Variants in RNFT1 observed in about 807,000 individuals in gnomAD.
RNFT1 encodes the protein E3 ubiquitin-protein ligase RNFT1.
Under a neutral mutation model 53.2 loss-of-function variants are expected in RNFT1, and 35 were observed. The ratio of observed to expected loss-of-function variants is 0.66; its 90% CI spans 0.50 to 0.87. The LOEUF is 0.87. Ranked by LOEUF, RNFT1 falls within the 40% of genes least tolerant of loss-of-function variation. The pLI is 0.00. For missense variants in RNFT1, 421 were observed against 515.0 expected (o/e 0.82, Z 1.77); for synonymous variants, 141 against 172.8 (o/e 0.82, Z 1.44).
intron 8 of RNFT1, 79 bp from the exon 9 acceptor site, chr17:59,953,190 CTT>C (rs34068842): frequency 0.078 from 59,129 of 760,866 alleles, 4 homozygotes; most frequent in East Asian, 0.11. Flanking sequence ...GAAAGGGATT[CTT>C]TTTTTTTTTT....
intron 8 of RNFT1, 60 bp downstream of exon 8, chr17:59,953,984 GA>G: frequency 5.4e-6 from 5 of 932,206 alleles, no homozygotes; most frequent in Non-Finnish European, 7.9e-6. Flanking sequence ...ACATAAATTT[GA>G]CTTTTGCAAG....
At chr17:59,956,400 A>G in intron 7 of RNFT1, 88 bp downstream of exon 7, 1 of 798,362 alleles carries the variant, frequency 1.3e-6, no homozygotes, top group Middle Eastern at 2.3e-4. Context: ...TATTTATGAA[A>G]TCCATTCTTG....
At chr17:59,953,193 T>C in intron 8 of RNFT1, 82 bp from the exon 9 acceptor site, 2 of 810,544 alleles carry the variant, frequency 2.5e-6, no homozygotes, top group Non-Finnish European at 3.4e-6. Context: ...AGGGATTCTT[T>C]TTTTTTTTTT....
rs748211939 is a variant in RNFT1, at chr17:59,963,099, A to C, written c.242T>G (p.Ile81Ser). 1.1e-5 allele frequency: 17 copies of C among 1,614,042 alleles called. No individual in the cohort carries two copies. The highest frequency in any genetic ancestry group is 1.1e-5 in the Non-Finnish European group (13 of 1,180,048). ...TTCTTTAGGTATGGAGTTTATCTGG[A>C]TATGAACATCTCCAGAATGAGGGCA... ...GSCPHSGDVHIQINSIPKECA... is the reference protein window; with the variant it reads ...GSCPHSGDVHSQINSIPKECA... The change falls in exon 2 of 9, where the codon ATC becomes AGC. Residue 81 changes from isoleucine (I) to serine (S), a missense_variant. Physicochemically the swap from Ile to Ser is moderately radical, Grantham distance 142. Transcript: ENST00000305783.
rs764112502 is a variant in RNFT1 at position 59,958,435 on chromosome 17, A to G, written c.702T>C (p.Phe234=). 7.0e-6 allele frequency: 11 copies of G among 1,568,026 alleles called. No homozygotes were observed. Among genetic ancestry groups the G allele is most frequent in the African/African-American group, 2.8e-5 (2 of 72,022 alleles). ...TCAAATGGTCCAAAGTAGGATTTAA[A>G]AAAATTAAGCTACCAAAAGAAAAAC... ...HSQSLYYSLI[F]LNPTLDHLSF... is the part of the protein sequence containing the mutation. Residue 234 remains phenylalanine, a synonymous_variant, in exon 5 of 9, where the codon TTT becomes TTC. Transcript: ENST00000305783.
In RNFT1 at chr17:59,962,598, C is replaced by A. The variant is rs745362088; in HGVS notation, c.533G>T (p.Gly178Val). 1.2e-6 allele frequency: 2 copies of A among 1,600,742 alleles called. No homozygotes were observed. Among genetic ancestry groups the A allele is most frequent in the Admixed American group, 3.5e-5 (2 of 57,656 alleles). Residue 178 changes from glycine (G) to valine (V), a missense_variant, in exon 3 of 9, where the codon GGG becomes GTG. By Grantham distance (109) the Gly-to-Val change is moderately radical. Transcript: ENST00000305783. ...QHITGISLGI[G>V]LLTTFMYANK... ...TGCATACATAAAAGTTGTTAGCAGC[C>A]CAATTCCAAGAGAAATTCCTGTTAG...
chr17:59,956,404 A>C, intron 7 of RNFT1, 84 bp downstream of exon 7: 1 of 830,270 alleles, frequency 1.2e-6, no homozygotes, highest in Non-Finnish European at 2.0e-6. Context: ...TATGAAATCC[A>C]TTCTTGTAAA....
Position 59,963,082 on chromosome 17 carries a change from G to GT in RNFT1, c.258dup (p.Pro87ThrfsTer2). Reference sequence around the variant, plus strand: ...CTTGCATTTTCTGCACATTCTTTAGGTATGGAGTTTATCTGGATATGAACA... The same window carrying GT: ...CTTGCATTTTCTGCACATTCTTTAGGTTATGGAGTTTATCTGGATATGAACA... On this transcript the variant is annotated frameshift_variant, in exon 2 of 9. Transcript: ENST00000305783. LOFTEE classifies it high-confidence loss of function. 1.2e-6 allele frequency: 2 copies of GT among 1,614,130 alleles called. No individual in the cohort carries two copies. Among genetic ancestry groups the GT allele is most frequent in the Non-Finnish European group, 1.7e-6 (2 of 1,180,018 alleles).
chr17:59,957,477 A>C, intron 5 of RNFT1, 95 bp from the exon 6 acceptor site: 2 of 755,516 alleles, frequency 2.6e-6, no homozygotes, highest in South Asian at 5.1e-5. Flanking sequence ...ATATTATACA[A>C]TAATATAAAT....
intron 1 of RNFT1, among the ~76,000 whole-genome samples, chr17:59,964,042 G>A (rs1350183364): frequency 6.6e-6 from 1 of 152,144 alleles, no homozygotes; most frequent in Non-Finnish European, 1.5e-5. Flanking sequence ...GTATTACGGA[G>A]GGAGGGGTGT....
At chr17:59,959,145 C>T (rs1405194784) in intron 4 of RNFT1, among the ~76,000 whole-genome samples, 1 of 152,154 alleles carries the variant, frequency 6.6e-6, no homozygotes, top group Non-Finnish European at 1.5e-5. Context: ...TCTACTTAGC[C>T]TCTCAAACTT....
Position 59,953,101 on chromosome 17 carries a change from C to T in RNFT1, c.1184G>A (p.Cys395Tyr), listed in dbSNP as rs753045601. Residue 395 changes from cysteine to tyrosine, a missense_variant, in exon 9 of 9, where the codon TGT becomes TAT. Cys to Tyr is a radical substitution (Grantham distance 194, BLOSUM62 -2). Coordinates refer to ENST00000305783, the MANE Select transcript of RNFT1 (RefSeq NM_016125.4). ...AAACCATAAGGTCATGCACTCTTCA[C>T]AAAATATATGCTGTAATGGAATTAA... is the stretch of plus-strand genomic sequence containing the variant. Reference protein sequence around the residue: ...PILLICQHIFCEECMTLWFNR... With the variant: ...PILLICQHIFYEECMTLWFNR... The T allele has an allele frequency of 1.2e-6, 2 of 1,601,064 alleles. No homozygotes were observed. The highest frequency in any genetic ancestry group is 2.2e-5 in the South Asian group (2 of 90,500).
At chr17:59,956,696 A>G (rs2045256356) in intron 6 of RNFT1, 143 bp from the exon 7 acceptor site, 3 of 613,390 alleles carry the variant, frequency 4.9e-6, no homozygotes, top group Non-Finnish European at 8.5e-6. Context: ...TTTTGTGCTG[A>G]GTATTTTATT....
chr17:59,962,490 A>T, intron 3 of RNFT1, 50 bp downstream of exon 3: 1 of 1,200,324 alleles, frequency 8.3e-7, no homozygotes, highest in Non-Finnish European at 1.2e-6. Flanking sequence ...TTTCTCTAAA[A>T]TCTATGGAGA....
At chr17:59,964,496 G>T in intron 1 of RNFT1, 112 bp downstream of exon 1, 1 of 883,020 alleles carries the variant, frequency 1.1e-6, no homozygotes, top group Non-Finnish European at 1.7e-6. Context: ...CGGAATCTCC[G>T]AGGGCAGAGT....
At chr17:59,954,454 T>C (rs1568541786) in intron 7 of RNFT1, among the ~76,000 whole-genome samples, 1 of 152,190 alleles carries the variant, frequency 6.6e-6, no homozygotes, top group Non-Finnish European at 1.5e-5. Flanking sequence ...ATGTAACTAT[T>C]ATAAAATCTA....
intron 8 of RNFT1, 82 bp downstream of exon 8, chr17:59,953,963 C>A: frequency 1.2e-6 from 1 of 805,580 alleles, no homozygotes; most frequent in Non-Finnish European, 1.9e-6. Context: ...TTTTTTTTTG[C>A]CTTACAGCAA....
At chr17:59,957,137 T>C in intron 6 of RNFT1, 87 bp downstream of exon 6, 1 of 1,318,898 alleles carries the variant, frequency 7.6e-7, no homozygotes, top group South Asian at 1.4e-5. Flanking sequence ...AGATAAACTA[T>C]AAAACTGTTA....
At chr17:59,956,585 T>C (rs2045255817) in intron 6 of RNFT1, 32 bp from the exon 7 acceptor site, 42 of 1,559,926 alleles carry the variant, frequency 2.7e-5, no homozygotes, top group Non-Finnish European at 3.5e-5. Flanking sequence ...CATTTATTAA[T>C]TCAAACAGTC....
Sources: gnomAD v4.1 joint callset for allele counts (sites outside exome capture counted in the v4.1 genomes callset) on GRCh38, gnomAD v4.1.1 for gene constraint, MANE v1.5 for transcripts, NCBI Gene and HGNC (gene_info 2026-07-23, HGNC 2026-07-21) for gene names.